SCLY: variants seen among roughly 807,000 people sequenced by gnomAD.
SCLY encodes the protein putative selenocysteine lyase.
Under a neutral mutation model 50.1 loss-of-function variants are expected in SCLY, and 38 were observed. The observed-to-expected ratio is 0.76, with a 90% CI of 0.59 to 0.99. The LOEUF (loss-of-function observed/expected upper bound fraction) is 0.99. Ranked by LOEUF, SCLY falls within the 50% of genes least tolerant of loss-of-function variation. SCLY has a pLI of 0.00. For missense variants in SCLY, 600 were observed against 620.0 expected, an observed-to-expected ratio of 0.97 and a Z score of 0.34; for synonymous variants, 243 against 249.4, an observed-to-expected ratio of 0.97 and a Z score of 0.24.
rs150331720 is a variant in SCLY at position 238,083,552 on chromosome 2, G to T, written c.884+198G>T. Reference sequence around the variant, plus strand: ...CAGGACCTGCAGTCTCTTTGGGAATGATTGAAAGCAATGAAGGAAATCTCT... The same window carrying T: ...CAGGACCTGCAGTCTCTTTGGGAATTATTGAAAGCAATGAAGGAAATCTCT... On this transcript the variant is annotated intron_variant, in intron 7 of 11. Transcript: ENST00000254663. The surrounding 1 kb of genome is among the most constrained non-coding windows in gnomAD (Gnocchi z 4.3). Among the ~76,000 whole-genome samples, 62 of 152,346 alleles carry T rather than the reference G, an allele frequency of 4.1e-4. No individual in the cohort carries two copies. The highest frequency in any genetic ancestry group is 3.4e-3 in the Middle Eastern group (1 of 294).
intron 11 of SCLY, among the ~76,000 whole-genome samples, chr2:238,097,099 T>C (rs2065445566): frequency 6.6e-6 from 1 of 150,936 alleles, no homozygotes; most frequent in South Asian, 2.1e-4. Context: ...CTTCTCGTGC[T>C]CAGTTCTGAA....
chr2:238,075,471 T>C (rs902027388), intron 4 of SCLY, among the ~76,000 whole-genome samples: 4 of 152,198 alleles, frequency 2.6e-5, no homozygotes, highest in Non-Finnish European at 5.9e-5. Flanking sequence ...TCTTTAAATA[T>C]TTGATAGAGT....
intron 2 of SCLY, among the ~76,000 whole-genome samples, chr2:238,065,385 A>G (rs1408999609): frequency 6.6e-6 from 1 of 152,152 alleles, no homozygotes; most frequent in African/African-American, 2.4e-5. Flanking sequence ...GAAAATATGG[A>G]GAATAATTAA....
rs1030369877 is a variant in SCLY, at chr2:238,067,176, A to G, written c.203-889A>G. Among the ~76,000 whole-genome samples, 3 of 152,206 alleles carry G rather than the reference A, an allele frequency of 2.0e-5. No homozygotes were observed. The highest frequency in any genetic ancestry group is 2.9e-5 in the Non-Finnish European group (2 of 68,042). On this transcript the variant is annotated intron_variant, in intron 2 of 11. Coordinates refer to ENST00000254663, the MANE Select transcript of SCLY (RefSeq NM_016510.7). The surrounding 1 kb of genome is among the most constrained non-coding windows in gnomAD (Gnocchi z 4.3). ...GTGACTTTTAGTGTCACCAAGAAAAATGATGGAGTTTTCCTAAACACCACT... is the reference window on the plus strand; with the variant it reads ...GTGACTTTTAGTGTCACCAAGAAAAGTGATGGAGTTTTCCTAAACACCACT...
At position 238,069,294 on chromosome 2, in the gene SCLY, C is replaced by T. The variant is rs369443662; in HGVS notation, c.304-3C>T. On this transcript the variant is annotated splice_region_variant and splice_polypyrimidine_tract_variant and intron_variant, in intron 3 of 11. Transcript: ENST00000254663. This position sits in a 1 kb window ranked among gnomAD's most constrained non-coding sequence, Gnocchi z 5.0. ...AAATGCTTTTTTTGCTGTATCTCTG[C>T]AGTCAAATAATTTAGTAATCCATTC... is the stretch of plus-strand genomic sequence containing the variant. 6 of 1,612,498 alleles carry T rather than the reference C, an allele frequency of 3.7e-6. No homozygotes were observed. Among genetic ancestry groups the T allele is most frequent in the Non-Finnish European group, 5.1e-6 (6 of 1,179,374 alleles).
chr2:238,091,518 A>ATTTTTAATGAT, intron 8 of SCLY: 1 of 464,646 alleles, frequency 2.2e-6, no homozygotes, highest in South Asian at 2.4e-5. Context: ...ATACTGTTAC[A>ATTTTTAATGAT]GCAGAGGTGA....
Position 238,083,782 on chromosome 2 carries a change from T to C in SCLY, c.884+428T>C, listed in dbSNP as rs2065261438. On this transcript the variant is annotated intron_variant, in intron 7 of 11. Coordinates refer to ENST00000254663, the MANE Select transcript of SCLY (RefSeq NM_016510.7). This position sits in a 1 kb window ranked among gnomAD's most constrained non-coding sequence, Gnocchi z 4.3. Reference sequence around the variant, plus strand: ...GTGACGTGTTAACTGGGAAATTAGTTGTTGCCCCCACCACACCTTTTGTTA... The same window carrying C: ...GTGACGTGTTAACTGGGAAATTAGTCGTTGCCCCCACCACACCTTTTGTTA... Among the ~76,000 whole-genome samples the C allele has an allele frequency of 6.6e-6, 1 of 152,144 alleles. No homozygotes were observed.
Position 238,093,955 on chromosome 2 carries a change from C to T in SCLY, c.1005+11C>T, listed in dbSNP as rs377719179. 43 of 1,610,376 alleles carry T rather than the reference C, an allele frequency of 2.7e-5. No individual in the cohort carries two copies. Among genetic ancestry groups the T allele is most frequent in the African/African-American group, 2.1e-4 (16 of 74,858 alleles). The stretch of plus-strand genomic sequence containing the variant: ...GAAGAGAGGCTGGAAGTGAGCGCAG[C>T]GTGGGGTGGGCACCAGGAGGGGGAG... On this transcript the variant is annotated intron_variant, in intron 9 of 11. Transcript: ENST00000254663.
In SCLY at chr2:238,069,580, A is replaced by T; in HGVS notation, c.484+103A>T. The stretch of plus-strand genomic sequence containing the variant: ...CCCGGGATCCGCTGCAGAGATGTAG[A>T]TTCAGTGTGCCACTCACTGTAACTC... On this transcript the variant is annotated intron_variant, in intron 4 of 11. Coordinates refer to ENST00000254663, the MANE Select transcript of SCLY (RefSeq NM_016510.7). This position sits in a 1 kb window ranked among gnomAD's most constrained non-coding sequence, Gnocchi z 5.0. The T allele has an allele frequency of 9.3e-7, 1 of 1,077,590 alleles. No individual in the cohort carries two copies. Among genetic ancestry groups the T allele is most frequent in the African/African-American group, 1.6e-5 (1 of 62,390 alleles). The allele number at this position is 1,077,590 out of a possible 1,614,324, so 66.8% of individuals were successfully genotyped here. A position where few individuals can be genotyped will look rare whatever the true frequency, so the allele number is the denominator to read the frequency against.
chr2:238,079,838 A>G (rs1049947449), intron 4 of SCLY: 1 of 151,946 alleles, frequency 6.6e-6, no homozygotes, highest in African/African-American at 2.4e-5. Flanking sequence ...TACATTTGAG[A>G]TGTTTTCAGC....
At chr2:238,097,848 A>G (rs1237776895) in intron 11 of SCLY, among the ~76,000 whole-genome samples, 1 of 152,098 alleles carries the variant, frequency 6.6e-6, no homozygotes. Context: ...GGTGGGCCGC[A>G]TGGGTAAGGC....
Position 238,069,545 on chromosome 2 carries a change from G to T in SCLY, c.484+68G>T. ...CCAGCTGCGAGGCGGGAAGTGGCCT[G>T]CGAGCAGAGCCCGGGATCCGCTGCA... On this transcript the variant is annotated intron_variant, in intron 4 of 11. Transcript: ENST00000254663. The surrounding 1 kb of genome is among the most constrained non-coding windows in gnomAD (Gnocchi z 5.0). 1 of 1,398,654 alleles carries T rather than the reference G, an allele frequency of 7.1e-7. No individual in the cohort carries two copies. The highest frequency in any genetic ancestry group is 9.7e-7 in the Non-Finnish European group (1 of 1,033,844). 86.6% of individuals were successfully genotyped at this position (1,398,654 alleles called of 1,614,324 possible).
chr2:238,083,089 C>T lies in SCLY; in HGVS notation c.778-159C>T. ...CCCTGCCCCGAAGGCTTTTGTGACTCTGCGTGTCAAAAGGGGTGGCACTCA... is the reference window on the plus strand; with the variant it reads ...CCCTGCCCCGAAGGCTTTTGTGACTTTGCGTGTCAAAAGGGGTGGCACTCA... On this transcript the variant is annotated intron_variant, in intron 6 of 11. Coordinates refer to ENST00000254663, the MANE Select transcript of SCLY (RefSeq NM_016510.7). This position sits in a 1 kb window ranked among gnomAD's most constrained non-coding sequence, Gnocchi z 4.3. 1.4e-6 allele frequency: 1 copy of T among 708,914 alleles called. No individual in the cohort carries two copies. The highest frequency in any genetic ancestry group is 2.6e-6 in the Non-Finnish European group (1 of 380,706). The allele number at this position is 708,914 out of a possible 1,614,324, so 43.9% of individuals were successfully genotyped here. A position where few individuals can be genotyped will look rare whatever the true frequency, so the allele number is the denominator to read the frequency against.
In SCLY at chr2:238,094,811, C is replaced by G. The variant is rs77639437; in HGVS notation, c.1108+289C>G. 1.1e-3 allele frequency: 436 copies of G among 402,402 alleles called. 5 individuals are homozygous for G. The East Asian group carries it at 0.017, about 15-fold the overall frequency. 24.9% of individuals were successfully genotyped at this position (402,402 alleles called of 1,614,324 possible). On this transcript the variant is annotated intron_variant, in intron 10 of 11. Coordinates refer to ENST00000254663, the MANE Select transcript of SCLY (RefSeq NM_016510.7). ...GCATTAGCGCCACCCCAAAAGCCGT[C>G]AGGGAAGGAAGCAACATTAAATTCT...
At chr2:238,071,502 G>A (rs184084422) in intron 4 of SCLY, among the ~76,000 whole-genome samples, 1 of 152,178 alleles carries the variant, frequency 6.6e-6, no homozygotes, top group East Asian at 1.9e-4. Flanking sequence ...CCGGCTACTC[G>A]GGAGGCTAAG....
intron 5 of SCLY, 79 bp from the exon 6 acceptor site, chr2:238,081,966 C>G: frequency 6.3e-7 from 1 of 1,577,474 alleles, no homozygotes; most frequent in Non-Finnish European, 8.7e-7. Context: ...ATTTGGCCTG[C>G]GCTCACTACT....
chr2:238,064,547 A>C, intron 2 of SCLY, 78 bp downstream of exon 2: 1 of 837,932 alleles, frequency 1.2e-6, no homozygotes, highest in Non-Finnish European at 1.8e-6. Context: ...GCACACCCAC[A>C]CGTGACGGCT....
rs759457129 is a variant in SCLY, at chr2:238,099,006, C to T, written c.*651C>T. 17 of 338,290 alleles carry T rather than the reference C, an allele frequency of 5.0e-5. No individual in the cohort carries two copies. Among genetic ancestry groups the T allele is most frequent in the Non-Finnish European group, 7.5e-5 (13 of 174,246 alleles). The allele number at this position is 338,290 out of a possible 1,614,324, so 21.0% of individuals were successfully genotyped here. On this transcript the variant is annotated 3_prime_UTR_variant, in exon 12 of 12. Transcript: ENST00000254663. ...TGCTCTGCTCAGCGCCCACCGCCCA[C>T]CACCCCTCCTGCTTCCCCGAGCCTG...
At chr2:238,097,939 C>A (rs916178076) in intron 11 of SCLY, among the ~76,000 whole-genome samples, 5 of 152,124 alleles carry the variant, frequency 3.3e-5, no homozygotes. Context: ...GAGCTCAGTG[C>A]GAGAGGGAGG....
Sources: allele counts gnomAD v4.1 joint callset (sites outside exome capture counted in the v4.1 genomes callset), GRCh38; gene constraint gnomAD v4.1.1; non-coding constraint Gnocchi (gnomAD v3.1); transcripts MANE v1.5; gene names NCBI Gene and HGNC (gene_info 2026-07-23, HGNC 2026-07-21).